PDE4D: variants seen among roughly 807,000 people sequenced by gnomAD.
PDE4D encodes 3',5'-cyclic-AMP phosphodiesterase 4D.
In PDE4D, 24 loss-of-function variants were observed where a neutral mutation model predicts 87.4. The observed-to-expected ratio is 0.27, with a 90% CI of 0.20 to 0.39. The LOEUF is 0.39. Ranked by LOEUF, PDE4D falls within the 10% of genes least tolerant of loss-of-function variation. The pLI is 1.00. For synonymous variants in PDE4D, 384 were observed against 383.2 expected (o/e 1.00, Z -0.02); for missense variants, 714 against 1,041.0 (o/e 0.69, Z 4.32).
At chr5:59,621,647 C>T (rs1165198432) in intron 1 of PDE4D, among the ~76,000 whole-genome samples, 1 of 152,170 alleles carries the variant, frequency 6.6e-6, no homozygotes, top group East Asian at 1.9e-4. Flanking sequence ...CCAGGCTTTT[C>T]CTGGGAAGTC....
chr5:59,346,066 G>C (rs977213245), intron 1 of PDE4D, among the ~76,000 whole-genome samples: 6 of 151,930 alleles, frequency 3.9e-5, no homozygotes, highest in Non-Finnish European at 5.9e-5. Context: ...CACTATGAAT[G>C]AATCCCATAA....
intron 1 of PDE4D, among the ~76,000 whole-genome samples, chr5:59,731,603 A>G (rs937510963): frequency 1.3e-5 from 2 of 152,024 alleles, no homozygotes; most frequent in Non-Finnish European, 2.9e-5. Flanking sequence ...TGCAATAAAG[A>G]CTTTTTAGCA....
At chr5:59,706,930 C>T (rs1344171498) in intron 1 of PDE4D, among the ~76,000 whole-genome samples, 1 of 151,904 alleles carries the variant, frequency 6.6e-6, no homozygotes, top group African/African-American at 2.4e-5. Context: ...GACAATGAAA[C>T]CAAATTAGAT....
chr5:60,201,788 T>G (rs1425372456), intron 1 of PDE4D, among the ~76,000 whole-genome samples: 1 of 152,204 alleles, frequency 6.6e-6, no homozygotes, highest in Non-Finnish European at 1.5e-5. Context: ...TCTGTAATAA[T>G]TATAATAATT....
In PDE4D at chr5:59,387,289, T is replaced by G. The variant is rs541534924; in HGVS notation, c.456-171321A>C. 5.1e-4 allele frequency among the ~76,000 whole-genome samples: 78 copies of G among 152,316 alleles called. 1 individual carries two copies. Among genetic ancestry groups the G allele is most frequent in the South Asian group, 1.0e-3 (5 of 4,832 alleles). ...ATATATCAGTTTAATTTTATGAAGC[T>G]CAGCTTATTTGACCATGCAACCATT... On this transcript the variant is annotated intron_variant, in intron 1 of 14. Transcript: ENST00000340635.
intron 1 of PDE4D, among the ~76,000 whole-genome samples, chr5:59,562,231 C>T (rs963099221): frequency 6.6e-6 from 1 of 152,120 alleles, no homozygotes; most frequent in Admixed American, 6.5e-5. Context: ...TGGACATGCT[C>T]TTAAACGTCC....
At position 59,440,504 on chromosome 5, in the gene PDE4D, C is replaced by T. The variant is rs150114357; in HGVS notation, c.456-224536G>A. On this transcript the variant is annotated intron_variant, in intron 1 of 14. Coordinates refer to ENST00000340635, the MANE Select transcript of PDE4D (RefSeq NM_001104631.2). Reference sequence around the variant, plus strand: ...AGAATTTTTCATGTAACACTGGTCGCGGTGGCTCACACCTATAATCCCAGC... The same window carrying T: ...AGAATTTTTCATGTAACACTGGTCGTGGTGGCTCACACCTATAATCCCAGC... Among the ~76,000 whole-genome samples the T allele has an allele frequency of 5.4e-3, 821 of 152,228 alleles. 7 individuals are homozygous for T. The highest frequency in any genetic ancestry group is 0.018 in the African/African-American group (747 of 41,544).
At position 59,433,426 on chromosome 5, in the gene PDE4D, C is replaced by G. The variant is rs368030215; in HGVS notation, c.456-217458G>C. Reference sequence around the variant, plus strand: ...CTCCAGCCTGCCAAGAATTCAGAGTCTGTGAGAACTCTGGCCAACTAGCAG... The same window carrying G: ...CTCCAGCCTGCCAAGAATTCAGAGTGTGTGAGAACTCTGGCCAACTAGCAG... On this transcript the variant is annotated intron_variant, in intron 1 of 14. Transcript: ENST00000340635. Among the ~76,000 whole-genome samples, 231 of 152,170 alleles carry G rather than the reference C, an allele frequency of 1.5e-3. 1 individual carries two copies. The highest frequency in any genetic ancestry group is 5.4e-3 in the African/African-American group (225 of 41,536).
chr5:59,957,964 A>C (rs1581909586), intron 3 of PDE4D, among the ~76,000 whole-genome samples: 1 of 152,290 alleles, frequency 6.6e-6, no homozygotes, highest in East Asian at 1.9e-4. Context: ...GAGATAACAG[A>C]GTAAATAGGC....
intron 1 of PDE4D, among the ~76,000 whole-genome samples, chr5:59,257,814 T>G (rs1761264599): frequency 6.6e-6 from 1 of 152,010 alleles, no homozygotes; most frequent in Non-Finnish European, 1.5e-5. Flanking sequence ...CAGAACATTT[T>G]CAAGGGCACT....
chr5:59,501,154 CTCAG>C (rs929795489), intron 1 of PDE4D, among the ~76,000 whole-genome samples: 4 of 152,104 alleles, frequency 2.6e-5, no homozygotes, highest in Non-Finnish European at 5.9e-5. Flanking sequence ...AGATATATTC[CTCAG>C]TCAGTCTGCC....
chr5:59,194,408 T>G (rs1287250689), intron 2 of PDE4D, among the ~76,000 whole-genome samples: 1 of 152,140 alleles, frequency 6.6e-6, no homozygotes, highest in Admixed American at 6.5e-5. Context: ...CTGAGAACAG[T>G]GCAAATAAAC....
At chr5:60,140,604 G>T (rs944908903) in intron 2 of PDE4D, among the ~76,000 whole-genome samples, 2 of 151,162 alleles carry the variant, frequency 1.3e-5, no homozygotes, top group Non-Finnish European at 2.9e-5. Context: ...ATGTTGCCCA[G>T]TAGTACTGTT....
At chr5:60,504,495 G>T (rs1190020653) in intron 1 of PDE4D, among the ~76,000 whole-genome samples, 1 of 152,028 alleles carries the variant, frequency 6.6e-6, no homozygotes, top group Non-Finnish European at 1.5e-5. Context: ...GCACTGTATT[G>T]TCCCTCAGGC....
At chr5:60,222,586 A>G (rs1744626506) in intron 1 of PDE4D, among the ~76,000 whole-genome samples, 1 of 152,180 alleles carries the variant, frequency 6.6e-6, no homozygotes, top group African/African-American at 2.4e-5. Context: ...CGAGTTGGGT[A>G]TGCCATTTCC....
At chr5:59,855,624 G>C (rs967282893) in intron 1 of PDE4D, among the ~76,000 whole-genome samples, 8 of 152,044 alleles carry the variant, frequency 5.3e-5, no homozygotes, top group Non-Finnish European at 5.9e-5. Context: ...TATTGCTCAG[G>C]CCAATGCCTA....
intron 2 of PDE4D, among the ~76,000 whole-genome samples, chr5:60,049,158 C>T (rs756952801): frequency 1.4e-4 from 22 of 152,188 alleles, no homozygotes; most frequent in Non-Finnish European, 2.8e-4. Flanking sequence ...TTGATTGCAT[C>T]AGCTCCTGAG....
At chr5:60,176,356 T>A (rs1048881711) in intron 2 of PDE4D, among the ~76,000 whole-genome samples, 24 of 152,302 alleles carry the variant, frequency 1.6e-4, no homozygotes, top group African/African-American at 3.6e-4. Flanking sequence ...TGCTTTTTTT[T>A]AAATTAATGA....
chr5:59,955,347 C>T (rs571229488), intron 3 of PDE4D, among the ~76,000 whole-genome samples: 1 of 152,192 alleles, frequency 6.6e-6, no homozygotes, highest in Admixed American at 6.5e-5. Context: ...TTCCCTCAGG[C>T]AATATCTGCT....
Sources: allele counts gnomAD v4.1 joint callset (sites outside exome capture counted in the v4.1 genomes callset), GRCh38; gene constraint gnomAD v4.1.1; transcripts MANE v1.5; gene names NCBI Gene and HGNC (gene_info 2026-07-23, HGNC 2026-07-21).